The following PRKDC variants were observed in gnomAD, a reference collection of about 807,000 sequenced individuals.
The protein encoded by PRKDC is protein kinase, DNA-activated, catalytic subunit.
Under a neutral mutation model 486.9 loss-of-function variants are expected in PRKDC, and 82 were observed. The observed-to-expected ratio is 0.17, with a 90% confidence interval of 0.14 to 0.20. The LOEUF (loss-of-function observed/expected upper bound fraction) is 0.20, where lower values mean the gene tolerates loss of function less well. Among genes scored for constraint, PRKDC ranks in the 10% least tolerant of loss-of-function variants. The pLI, the probability that PRKDC is intolerant of heterozygous loss-of-function variation, is 1.00. For synonymous variants in PRKDC, 1,895 were observed against 1,837.0 expected (o/e 1.03, Z -0.81); for missense variants, 4,504 against 5,038.2 (o/e 0.89, Z 3.21).
chr8:47,865,958 C>A (rs112513898), intron 40 of PRKDC, among the ~76,000 whole-genome samples: 1 of 152,060 alleles, frequency 6.6e-6, no homozygotes, highest in Admixed American at 6.6e-5. Flanking sequence ...GAGTTTGAGA[C>A]CAGCCTGGCC....
At chr8:47,955,780 CAAACACATCACCCA>C in intron 4 of PRKDC, 80 bp downstream of exon 4, 1 of 1,010,378 alleles carries the variant, frequency 9.9e-7, no homozygotes, top group Non-Finnish European at 1.5e-6. Context: ...TATCCTTCCC[CAAACACATCACCCA>C]AAACACAACT....
intron 21 of PRKDC, among the ~76,000 whole-genome samples, chr8:47,924,781 GCAGAGGGAGA>G (rs772889526): frequency 1.3e-4 from 20 of 152,186 alleles, no homozygotes; most frequent in Non-Finnish European, 2.2e-4. Flanking sequence ...CTGGGGAGAG[GCAGAGGGAGA>G]CGGAGGACCA....
At chr8:47,868,031 T>C (rs1048988345) in intron 40 of PRKDC, among the ~76,000 whole-genome samples, 6 of 152,212 alleles carry the variant, frequency 3.9e-5, no homozygotes, top group Non-Finnish European at 7.3e-5. Flanking sequence ...ATTCTTACAA[T>C]AAACACCAAT....
chr8:47,935,890 A>G lies in PRKDC; in HGVS notation c.1289T>C (p.Val430Ala), dbSNP rs1315493762. 21 of 1,611,992 alleles carry G rather than the reference A, an allele frequency of 1.3e-5. No homozygotes were observed. The highest frequency in any genetic ancestry group is 1.7e-5 in the Admixed American group (1 of 59,720). ...GAGGTGCTCCAGAACTGGAGTATAC[A>G]CCTCAGGAACCTACCGGAAATAATC... Reference protein sequence around the residue: ...VLLYLDTVPEVYTPVLEHLVV... With the variant: ...VLLYLDTVPEAYTPVLEHLVV... Residue 430 changes from valine (V) to alanine (A), a missense_variant, in exon 13 of 86, where the codon GTG becomes GCG. Physicochemically the swap from Val to Ala is moderately conservative, Grantham distance 64. Around this residue, in one of 6 missense-constraint regions of PRKDC, gnomAD observed 1,969 missense variants for 2,068.9 expected, o/e 0.95. Transcript: ENST00000314191.
chr8:47,958,996 A>C (rs2090762054), intron 1 of PRKDC: 1 of 152,328 alleles, frequency 6.6e-6, no homozygotes, highest in Non-Finnish European at 1.5e-5. Flanking sequence ...ACAGCCTCCC[A>C]AAGTGCTGGG....
At chr8:47,930,875 G>A (rs2090238823) in intron 16 of PRKDC, 88 bp from the exon 17 acceptor site, 1 of 1,246,006 alleles carries the variant, frequency 8.0e-7, no homozygotes, top group Non-Finnish European at 1.1e-6. Context: ...TCATGGTCAA[G>A]GCCTGATGCT....
intron 36 of PRKDC, among the ~76,000 whole-genome samples, chr8:47,883,549 T>C (rs1261215530): frequency 1.3e-5 from 2 of 152,154 alleles, no homozygotes; most frequent in African/African-American, 4.8e-5. Flanking sequence ...CTGCTCAACC[T>C]CATGCATGAA....
At chr8:47,819,336 A>G (rs2087528679) in intron 67 of PRKDC, 66 bp downstream of exon 67, 2 of 1,091,288 alleles carry the variant, frequency 1.8e-6, no homozygotes, top group Non-Finnish European at 2.6e-6. Flanking sequence ...TAAGCAGAAA[A>G]TAATTTAGAT....
intron 5 of PRKDC, among the ~76,000 whole-genome samples, 183 bp from the exon 6 acceptor site, chr8:47,954,102 T>C (rs1475125834): frequency 6.6e-6 from 1 of 152,242 alleles, no homozygotes; most frequent in Non-Finnish European, 1.5e-5. Flanking sequence ...GTATTAATCA[T>C]ATTTGTCATA....
chr8:47,828,388 C>T (rs1217486246), intron 61 of PRKDC, 41 bp from the exon 62 acceptor site: 1 of 1,488,654 alleles, frequency 6.7e-7, no homozygotes, highest in African/African-American at 1.4e-5. Flanking sequence ...GGATCTGAAG[C>T]AAAAATGCTA....
intron 50 of PRKDC, 90 bp downstream of exon 50, chr8:47,855,132 T>C (rs2088504375): frequency 1.6e-6 from 2 of 1,229,036 alleles, no homozygotes; most frequent in Non-Finnish European, 2.2e-6. Flanking sequence ...TATCATTTCA[T>C]GTAATTAAAT....
intron 50 of PRKDC, among the ~76,000 whole-genome samples, chr8:47,854,545 T>G (rs993742715): frequency 3.3e-5 from 5 of 152,078 alleles, no homozygotes; most frequent in African/African-American, 1.2e-4. Context: ...TTTCACTGTG[T>G]TAGCCAGGAT....
chr8:47,897,911 C>T lies in PRKDC; in HGVS notation c.3464+559G>A, dbSNP rs541607900. ...GGTCACTAGCATGGATAACAGATGT[C>T]CCCAGATACCCTGCAGAGATCTGGA... is the stretch of plus-strand genomic sequence containing the variant. On this transcript the variant is annotated intron_variant, in intron 29 of 85. Coordinates refer to ENST00000314191, the MANE Select transcript of PRKDC (RefSeq NM_006904.7). 3.3e-5 allele frequency among the ~76,000 whole-genome samples: 5 copies of T among 152,274 alleles called. No homozygotes were observed. In the South Asian group the frequency reaches 8.3e-4, roughly 25 times the overall value.
At chr8:47,820,980 G>T (rs2087580951) in intron 65 of PRKDC, 37 bp from the exon 66 acceptor site, 2 of 1,296,074 alleles carry the variant, frequency 1.5e-6, no homozygotes, top group Non-Finnish European at 2.1e-6. Context: ...ACTACAGAAG[G>T]CCAATTTGAG....
intron 43 of PRKDC, 27 bp from the exon 44 acceptor site, chr8:47,862,154 A>T (rs1265419300): frequency 6.6e-7 from 1 of 1,525,566 alleles, no homozygotes; most frequent in Non-Finnish European, 8.9e-7. Context: ...TCATATAAAA[A>T]TAGCTGAATG....
intron 21 of PRKDC, among the ~76,000 whole-genome samples, chr8:47,926,089 T>G (rs2090152949): frequency 6.6e-6 from 1 of 152,154 alleles, no homozygotes; most frequent in Non-Finnish European, 1.5e-5. Flanking sequence ...TTCAATGAGT[T>G]AACAGAACTC....
intron 39 of PRKDC, among the ~76,000 whole-genome samples, chr8:47,878,743 A>C (rs1250249374): frequency 1.3e-5 from 2 of 152,190 alleles, no homozygotes; most frequent in Non-Finnish European, 2.9e-5. Flanking sequence ...TCCTTATCCT[A>C]TCTCATGGAC....
intron 64 of PRKDC, 148 bp from the exon 65 acceptor site, chr8:47,821,940 T>A: frequency 1.2e-6 from 1 of 800,348 alleles, no homozygotes; most frequent in Non-Finnish European, 1.9e-6. Context: ...CTATTCAGAG[T>A]AACACTGAAT....
At chr8:47,830,282 T>C (rs2087832991) in intron 61 of PRKDC, among the ~76,000 whole-genome samples, 1 of 152,248 alleles carries the variant, frequency 6.6e-6, no homozygotes, top group South Asian at 2.1e-4. Context: ...AATCCACTGA[T>C]TCCTGAGTGC....
Sources: allele counts gnomAD v4.1 joint callset (sites outside exome capture counted in the v4.1 genomes callset), GRCh38; gene constraint gnomAD v4.1.1; regional missense constraint gnomAD v4.1.1; transcripts MANE v1.5; gene names NCBI Gene and HGNC (gene_info 2026-07-23, HGNC 2026-07-21).